Variants in ZC3H14 observed in about 807,000 individuals in gnomAD.
ZC3H14 encodes zinc finger CCCH-type containing 14, also known as zinc finger CCCH domain-containing protein 14.
ZC3H14 carries 31 observed loss-of-function variants against 92.4 expected under a neutral mutation model. The ratio of observed to expected loss-of-function variants is 0.34; its 90% CI spans 0.25 to 0.45. ZC3H14 has a LOEUF of 0.45. Ranked by LOEUF, ZC3H14 falls within the 20% of genes least tolerant of loss-of-function variation. ZC3H14 has a pLI of 1.00. For missense variants in ZC3H14, 781 were observed against 897.3 expected, an observed-to-expected ratio of 0.87 and a Z score of 1.66; for synonymous variants, 321 against 300.9, an observed-to-expected ratio of 1.07 and a Z score of -0.69.
chr14:88,567,111 A>ATTTT (rs1278362356), intron 2 of ZC3H14, among the ~76,000 whole-genome samples: 1 of 14,664 alleles, frequency 6.8e-5, no homozygotes, highest in South Asian at 1.2e-3. Flanking sequence ...TCTTTTATTT[A>ATTTT]TTTTATTTAT....
chr14:88,569,510 G>A (rs1187435623), intron 3 of ZC3H14, among the ~76,000 whole-genome samples: 1 of 152,148 alleles, frequency 6.6e-6, no homozygotes, highest in Non-Finnish European at 1.5e-5. Context: ...TAAGATGCTA[G>A]GTCCTGGTAC....
chr14:88,564,939 G>A (rs1328528578), intron 2 of ZC3H14, among the ~76,000 whole-genome samples: 1 of 152,056 alleles, frequency 6.6e-6, no homozygotes, highest in Non-Finnish European at 1.5e-5. Flanking sequence ...TGACAAACTG[G>A]TTACATACAC....
chr14:88,597,137 T>C lies in ZC3H14; in HGVS notation c.1354+329T>C, dbSNP rs201167823. Among the ~76,000 whole-genome samples, 12 of 152,312 alleles carry C rather than the reference T, an allele frequency of 7.9e-5. No homozygotes were observed. The East Asian group carries it at 2.1e-3, about 27-fold the overall frequency. On this transcript the variant is annotated intron_variant, in intron 10 of 16. Transcript: ENST00000251038. The stretch of plus-strand genomic sequence containing the variant: ...CTCTACCCAGCTTTTGTCATTGCCA[T>C]GAGTGGCTTTTGTATCCTGTTTTTC...
Position 88,621,520 on chromosome 14 carries a change from T to C in ZC3H14, c.*9769T>C. On this transcript the variant is annotated 3_prime_UTR_variant, in exon 17 of 17. Coordinates refer to ENST00000251038, the MANE Select transcript of ZC3H14 (RefSeq NM_024824.5). Reference sequence around the variant, plus strand: ...CTAGATTACATATTAGAGTCCATGCTACAGAATAGAACTTTTCTGTGGCAG... The same window carrying C: ...CTAGATTACATATTAGAGTCCATGCCACAGAATAGAACTTTTCTGTGGCAG... The C allele has an allele frequency of 1.7e-6, 1 of 577,806 alleles. No homozygotes were observed. The highest frequency in any genetic ancestry group is 3.0e-6 in the Non-Finnish European group (1 of 328,390). 35.8% of individuals were successfully genotyped at this position (577,806 alleles called of 1,614,324 possible).
At chr14:88,604,699 ATTC>A (rs1363018304) in intron 12 of ZC3H14, among the ~76,000 whole-genome samples, 1 of 150,942 alleles carries the variant, frequency 6.6e-6, no homozygotes, top group Non-Finnish European at 1.5e-5. Context: ...GTTGAAAGCC[ATTC>A]TTCTGCCTCA....
chr14:88,605,039 G>T (rs1385232988), intron 12 of ZC3H14, among the ~76,000 whole-genome samples: 1 of 152,226 alleles, frequency 6.6e-6, no homozygotes, highest in Non-Finnish European at 1.5e-5. Context: ...AAGTTTCTTT[G>T]TAAGGTATTA....
intron 3 of ZC3H14, among the ~76,000 whole-genome samples, chr14:88,570,619 A>T (rs1354083209): frequency 6.6e-6 from 1 of 152,220 alleles, no homozygotes; most frequent in African/African-American, 2.4e-5. Flanking sequence ...AATCTTTAGT[A>T]CTTACAAACA....
At chr14:88,591,556 T>G (rs2083134061) in intron 9 of ZC3H14, 1 of 152,226 alleles carries the variant, frequency 6.6e-6, no homozygotes, top group Admixed American at 6.5e-5. Context: ...TTGTATATGC[T>G]TGATACATTG....
intron 11 of ZC3H14, 143 bp from the exon 12 acceptor site, chr14:88,602,685 C>A (rs1403093578): frequency 2.5e-6 from 2 of 811,422 alleles, no homozygotes; most frequent in East Asian, 2.7e-5. Context: ...ACCAGTGCTG[C>A]ACCTGGTAGC....
Position 88,618,517 on chromosome 14 carries a change from G to T in ZC3H14, c.*6766G>T. On this transcript the variant is annotated 3_prime_UTR_variant, in exon 17 of 17. Coordinates refer to ENST00000251038, the MANE Select transcript of ZC3H14 (RefSeq NM_024824.5). Reference sequence around the variant, plus strand: ...ATAAGTGGGGGAGGAAAGGGGAGCTGTAGGTCAGAAGGTACAAAGGGAGGA... The same window carrying T: ...ATAAGTGGGGGAGGAAAGGGGAGCTTTAGGTCAGAAGGTACAAAGGGAGGA... 1 of 1,176,872 alleles carries T rather than the reference G, an allele frequency of 8.5e-7. No individual in the cohort carries two copies. The highest frequency in any genetic ancestry group is 1.2e-6 in the Non-Finnish European group (1 of 843,688). 72.9% of individuals were successfully genotyped at this position (1,176,872 alleles called of 1,614,324 possible).
At chr14:88,595,443 T>C (rs1256145659) in intron 9 of ZC3H14, among the ~76,000 whole-genome samples, 2 of 152,238 alleles carry the variant, frequency 1.3e-5, no homozygotes, top group African/African-American at 4.8e-5. Context: ...CATCATGTAC[T>C]GTTGATGTGA....
At chr14:88,599,488 G>A (rs2084300827) in intron 10 of ZC3H14, among the ~76,000 whole-genome samples, 1 of 152,076 alleles carries the variant, frequency 6.6e-6, no homozygotes, top group Admixed American at 6.5e-5. Flanking sequence ...CGTCTGTCTG[G>A]TCTCCATGTG....
In ZC3H14 at chr14:88,617,149, T is replaced by TA; in HGVS notation, c.*5398_*5399insA. On this transcript the variant is annotated 3_prime_UTR_variant, in exon 17 of 17. Coordinates refer to ENST00000251038, the MANE Select transcript of ZC3H14 (RefSeq NM_024824.5). Reference sequence around the variant, plus strand: ...TATGAAAACTGATAGAACTATTTTTTCTTTTTTTTTTTTTGAGACGGAGTT... The same window carrying TA: ...TATGAAAACTGATAGAACTATTTTTTACTTTTTTTTTTTTTGAGACGGAGTT... The TA allele has an allele frequency of 4.0e-6, 1 of 249,078 alleles. No individual in the cohort carries two copies. The highest frequency in any genetic ancestry group is 7.4e-5 in the East Asian group (1 of 13,460). 15.4% of individuals were successfully genotyped at this position (249,078 alleles called of 1,614,324 possible).
rs879000776 is a variant in ZC3H14 at position 88,622,466 on chromosome 14, G to C, written c.*10715G>C. Reference sequence around the variant, plus strand: ...TAACTTTGGCAAAGAAAGCAGCAAAGACAGAGTAATGTTGGCAAGCAAATC... The same window carrying C: ...TAACTTTGGCAAAGAAAGCAGCAAACACAGAGTAATGTTGGCAAGCAAATC... On this transcript the variant is annotated 3_prime_UTR_variant, in exon 17 of 17. Coordinates refer to ENST00000251038, the MANE Select transcript of ZC3H14 (RefSeq NM_024824.5). The C allele has an allele frequency of 1.6e-6, 1 of 633,998 alleles. No individual in the cohort carries two copies. Among genetic ancestry groups the C allele is most frequent in the Non-Finnish European group, 2.4e-6 (1 of 413,038 alleles). The allele number at this position is 633,998 out of a possible 1,614,324, so 39.3% of individuals were successfully genotyped here.
chr14:88,582,485 C>A (rs766912520), intron 9 of ZC3H14, among the ~76,000 whole-genome samples: 129 of 152,226 alleles, frequency 8.5e-4, no homozygotes, highest in Non-Finnish European at 1.4e-3. Flanking sequence ...GCTAGGGATA[C>A]CCAGTGTGTG....
chr14:88,571,392 T>C (rs980315158), intron 4 of ZC3H14, among the ~76,000 whole-genome samples: 1 of 152,166 alleles, frequency 6.6e-6, no homozygotes, highest in Non-Finnish European at 1.5e-5. Context: ...GATATTTCAG[T>C]ATTTTATAAT....
At chr14:88,578,924 T>G (rs977731424) in intron 9 of ZC3H14, among the ~76,000 whole-genome samples, 10 of 150,822 alleles carry the variant, frequency 6.6e-5, no homozygotes, top group Admixed American at 5.3e-4. Flanking sequence ...TACCCAGAAC[T>G]AACGCTATTA....
intron 9 of ZC3H14, among the ~76,000 whole-genome samples, chr14:88,593,062 G>A (rs2083358666): frequency 6.6e-6 from 1 of 151,378 alleles, no homozygotes; most frequent in African/African-American, 2.4e-5. Flanking sequence ...CTGCCTCCCG[G>A]GTTCAAGCGA....
chr14:88,597,548 C>A (rs896346292), intron 10 of ZC3H14, among the ~76,000 whole-genome samples: 1 of 152,212 alleles, frequency 6.6e-6, no homozygotes, highest in Non-Finnish European at 1.5e-5. Flanking sequence ...GACCCTCCCC[C>A]AGCTTTCCAG....
Sources: allele counts gnomAD v4.1 joint callset (sites outside exome capture counted in the v4.1 genomes callset), GRCh38; gene constraint gnomAD v4.1.1; transcripts MANE v1.5; gene names NCBI Gene and HGNC (gene_info 2026-07-23, HGNC 2026-07-21).